KIF5C: variants seen among roughly 807,000 people sequenced by gnomAD.
The protein encoded by KIF5C is kinesin family member 5C, also known as kinesin heavy chain isoform 5C.
KIF5C carries 18 observed loss-of-function variants against 125.2 expected under a neutral mutation model. The ratio of observed to expected loss-of-function variants is 0.14; its 90% CI spans 0.10 to 0.21. The LOEUF (loss-of-function observed/expected upper bound fraction) is 0.21, where lower values mean the gene tolerates loss of function less well. Ranked by LOEUF, KIF5C falls within the 10% of genes least tolerant of loss-of-function variation. The probability of loss-of-function intolerance (pLI) is 1.00; values close to 1 mark genes in which losing one functional copy is unlikely to be tolerated. For missense variants in KIF5C, 780 were observed against 1,183.8 expected, an observed-to-expected ratio of 0.66 and a Z score of 5.01; for synonymous variants, 405 against 434.0, an observed-to-expected ratio of 0.93 and a Z score of 0.83.
chr2:148,938,868 C>A (rs149259437), intron 4 of KIF5C, among the ~76,000 whole-genome samples: 3,115 of 151,894 alleles, frequency 0.021, 95 homozygotes, highest in African/African-American at 0.065. Context: ...GGCAGATTGC[C>A]TGAGGTCAGG....
chr2:148,898,143 T>G (rs1680739273), intron 1 of KIF5C, among the ~76,000 whole-genome samples: 1 of 151,960 alleles, frequency 6.6e-6, no homozygotes, highest in South Asian at 2.1e-4. Context: ...CCTCCCTTCC[T>G]GCCAAATGTC....
chr2:148,913,578 G>A (rs1681425957), intron 1 of KIF5C, among the ~76,000 whole-genome samples: 1 of 152,164 alleles, frequency 6.6e-6, no homozygotes, highest in Non-Finnish European at 1.5e-5. Context: ...TGAAGGTCTG[G>A]GGAAAGCTTT....
chr2:148,960,506 A>G (rs190738791), intron 10 of KIF5C, among the ~76,000 whole-genome samples: 86 of 152,310 alleles, frequency 5.6e-4, no homozygotes, highest in Non-Finnish European at 9.4e-4. Context: ...GTAGTAATAA[A>G]ATTGCTGTTA....
intron 4 of KIF5C, among the ~76,000 whole-genome samples, chr2:148,938,042 C>G (rs1682328394): frequency 6.6e-6 from 1 of 152,176 alleles, no homozygotes; most frequent in Non-Finnish European, 1.5e-5. Flanking sequence ...TGTTATATGA[C>G]TTAAATTGGC....
At chr2:148,983,220 G>A (rs1681284995) in intron 14 of KIF5C, among the ~76,000 whole-genome samples, 1 of 152,182 alleles carries the variant, frequency 6.6e-6, no homozygotes, top group Non-Finnish European at 1.5e-5. Flanking sequence ...CCAGGGAGCA[G>A]GTTTGTTTAG....
intron 8 of KIF5C, chr2:148,947,256 C>G: frequency 1.9e-6 from 1 of 537,204 alleles, no homozygotes; most frequent in Non-Finnish European, 3.1e-6. Context: ...CTGATTTATC[C>G]CTGATGGGCC....
intron 19 of KIF5C, chr2:149,000,070 T>C (rs1168658428): frequency 5.2e-6 from 1 of 191,352 alleles, no homozygotes; most frequent in African/African-American, 2.3e-5. Context: ...CCCAAGTGAC[T>C]GCATGCCATC....
chr2:148,987,669 G>A (rs940533587), intron 15 of KIF5C, among the ~76,000 whole-genome samples: 1 of 152,222 alleles, frequency 6.6e-6, no homozygotes, highest in East Asian at 1.9e-4. Flanking sequence ...GAGGGGGTCT[G>A]TTCAGTCATT....
intron 22 of KIF5C, among the ~76,000 whole-genome samples, chr2:149,006,397 TCGGCAGGGAAATACATG>T (rs1413846820): frequency 6.6e-6 from 1 of 152,054 alleles, no homozygotes; most frequent in East Asian, 1.9e-4. Context: ...GTTGGAAGGA[TCGGCAGGGAAATACATG>T]CGGGTGGAAA....
chr2:148,937,476 T>C (rs1682314684), intron 4 of KIF5C, 88 bp downstream of exon 4: 4 of 1,461,742 alleles, frequency 2.7e-6, no homozygotes, highest in Admixed American at 2.5e-5. Context: ...ATATAAAAGA[T>C]GATCCTACTA....
At chr2:149,006,944 A>G (rs552033334) in intron 22 of KIF5C, among the ~76,000 whole-genome samples, 61 of 152,298 alleles carry the variant, frequency 4.0e-4, no homozygotes, top group Non-Finnish European at 6.6e-4. Context: ...TAGGAGCTTG[A>G]GATCAGACTT....
rs191661853 is a variant in KIF5C, at chr2:148,992,622, T to C, written c.1905+1424T>C. 9.8e-4 allele frequency among the ~76,000 whole-genome samples: 149 copies of C among 152,328 alleles called. No individual in the cohort carries two copies. In the East Asian group the frequency reaches 0.02, roughly 20 times the overall value. On this transcript the variant is annotated intron_variant, in intron 16 of 25. Transcript: ENST00000435030. ...AAACCTAGCCATTGGGAAAGTCTAA[T>C]GGTATAAAGTTAAGTGAAAATGAAA...
intron 24 of KIF5C, among the ~76,000 whole-genome samples, chr2:149,010,692 G>A (rs1221190832): frequency 6.6e-6 from 1 of 152,370 alleles, no homozygotes; most frequent in East Asian, 1.9e-4. Context: ...TTCTCTGCAA[G>A]GTGTGAAGGG....
intron 25 of KIF5C, among the ~76,000 whole-genome samples, chr2:149,021,113 A>G (rs528945028): frequency 1.2e-4 from 19 of 152,218 alleles, no homozygotes; most frequent in Admixed American, 3.9e-4. Flanking sequence ...CCCAGGCTGG[A>G]GTGCAGCAGC....
chr2:148,979,718 C>T (rs1446224149), intron 13 of KIF5C, among the ~76,000 whole-genome samples: 1 of 152,114 alleles, frequency 6.6e-6, no homozygotes, highest in African/African-American at 2.4e-5. Context: ...CAAACAAAAA[C>T]AAAACTAGAA....
At chr2:148,941,786 T>C (rs1389793145) in intron 5 of KIF5C, 128 bp downstream of exon 5, 1 of 1,449,206 alleles carries the variant, frequency 6.9e-7, no homozygotes, top group Non-Finnish European at 9.2e-7. Context: ...GCCTTCAGGG[T>C]ATATGTTTAT....
At chr2:149,008,991 G>GTTT (rs200099380) in intron 23 of KIF5C, among the ~76,000 whole-genome samples, 8 of 134,358 alleles carry the variant, frequency 6.0e-5, no homozygotes, top group Admixed American at 2.3e-4. Context: ...TTTTTTTAAT[G>GTTT]TTTTTTTTTT....
At chr2:149,011,727 G>A (rs1682207923) in intron 25 of KIF5C, 44 bp downstream of exon 25, 2 of 1,611,434 alleles carry the variant, frequency 1.2e-6, no homozygotes, top group Admixed American at 1.7e-5. Context: ...GGAGGCAGAG[G>A]CTTCTTGCCT....
At chr2:148,935,854 A>G (rs1322799172) in intron 3 of KIF5C, among the ~76,000 whole-genome samples, 54 of 152,218 alleles carry the variant, frequency 3.5e-4, no homozygotes, top group Non-Finnish European at 1.5e-5. Context: ...GGAGAGAAAT[A>G]TACATGCACT....
Sources: allele counts gnomAD v4.1 joint callset (sites outside exome capture counted in the v4.1 genomes callset), GRCh38; gene constraint gnomAD v4.1.1; transcripts MANE v1.5; gene names NCBI Gene and HGNC (gene_info 2026-07-23, HGNC 2026-07-21).